The following MAGI2 variants were observed in gnomAD, a reference collection of about 807,000 sequenced individuals.
The protein encoded by MAGI2 is membrane-associated guanylate kinase, WW and PDZ domain-containing protein 2.
A neutral mutation model predicts 133.3 loss-of-function variants in MAGI2; 35 were observed. The observed-to-expected ratio is 0.26, with a 90% CI of 0.20 to 0.35. MAGI2 has a LOEUF of 0.35. Ranked by LOEUF, MAGI2 falls within the 10% of genes least tolerant of loss-of-function variation. The probability of loss-of-function intolerance (pLI) is 1.00; values close to 1 mark genes in which losing one functional copy is unlikely to be tolerated. For missense variants in MAGI2, 1,636 were observed against 1,863.4 expected (o/e 0.88, Z 2.25); for synonymous variants, 729 against 710.6 (o/e 1.03, Z -0.41).
intron 3 of MAGI2, among the ~76,000 whole-genome samples, chr7:78,582,285 C>T (rs1327915498): frequency 1.3e-5 from 2 of 152,078 alleles, no homozygotes; most frequent in African/African-American, 2.4e-5. Context: ...AGAGCAACCA[C>T]GTGGGAAGTG....
intron 1 of MAGI2, among the ~76,000 whole-genome samples, chr7:79,438,061 C>T (rs1848261894): frequency 6.6e-6 from 1 of 152,128 alleles, no homozygotes; most frequent in African/African-American, 2.4e-5. Flanking sequence ...ATTTTCAATG[C>T]TCTTCTAATG....
intron 10 of MAGI2, among the ~76,000 whole-genome samples, chr7:78,207,191 T>C (rs1312424537): frequency 6.6e-6 from 1 of 152,024 alleles, no homozygotes; most frequent in Non-Finnish European, 1.5e-5. Flanking sequence ...GACAGGAAAC[T>C]CACCTGAACA....
chr7:79,097,271 G>A (rs1415140139), intron 1 of MAGI2, among the ~76,000 whole-genome samples: 2 of 152,166 alleles, frequency 1.3e-5, no homozygotes, highest in Admixed American at 1.3e-4. Flanking sequence ...TCAGTACAAA[G>A]AGAAACTGGC....
chr7:79,242,264 T>C (rs1346616374), intron 1 of MAGI2, among the ~76,000 whole-genome samples: 1 of 152,178 alleles, frequency 6.6e-6, no homozygotes, highest in Non-Finnish European at 1.5e-5. Context: ...ATATATATCA[T>C]AACATCATGC....
intron 21 of MAGI2, among the ~76,000 whole-genome samples, chr7:78,066,190 G>C (rs11505873): frequency 6.6e-6 from 1 of 151,972 alleles, no homozygotes; most frequent in African/African-American, 2.4e-5. Context: ...GGTCAGGCAC[G>C]GTGGCTCATG....
chr7:78,765,293 G>A (rs1354697366), intron 2 of MAGI2, among the ~76,000 whole-genome samples: 2 of 139,926 alleles, frequency 1.4e-5, no homozygotes, highest in African/African-American at 5.2e-5. Flanking sequence ...TGCTGCCTTA[G>A]TATTCATTTA....
intron 2 of MAGI2, among the ~76,000 whole-genome samples, chr7:78,679,686 TAGA>T (rs1343150100): frequency 1.3e-5 from 2 of 152,112 alleles, no homozygotes; most frequent in Non-Finnish European, 2.9e-5. Context: ...AGTTTACACG[TAGA>T]AAAGACAGGT....
At position 78,072,934 on chromosome 7, in the gene MAGI2, A is replaced by G. The variant is rs1360751462; in HGVS notation, c.3706+6013T>C. On this transcript the variant is annotated intron_variant, in intron 21 of 21. Coordinates refer to ENST00000354212, the MANE Select transcript of MAGI2 (RefSeq NM_012301.4). ...TGGCCTCCCAAAGTGTTAGGATTAG[A>G]GGTGTGAGCCACCCCGCCTGGCTGG... 8 of 398,542 alleles carry G rather than the reference A, an allele frequency of 2.0e-5. No individual in the cohort carries two copies. In the Admixed American group the frequency reaches 3.5e-4, roughly 18 times the overall value. The allele number at this position is 398,542 out of a possible 1,614,324, so 24.7% of individuals were successfully genotyped here.
At chr7:78,201,084 C>A in intron 11 of MAGI2, 78 bp downstream of exon 11, 3 of 905,608 alleles carry the variant, frequency 3.3e-6, no homozygotes, top group South Asian at 3.3e-5. Context: ...ATTTTGAGGT[C>A]ACCCAATTCA....
rs547340516 is a variant in MAGI2, at chr7:78,863,133, G to C, written c.418+143957C>G. Among the ~76,000 whole-genome samples the C allele has an allele frequency of 3.9e-5, 6 of 152,302 alleles. No individual in the cohort carries two copies. In the South Asian group the frequency reaches 1.2e-3, roughly 32 times the overall value. On this transcript the variant is annotated intron_variant, in intron 2 of 21. Coordinates refer to ENST00000354212, the MANE Select transcript of MAGI2 (RefSeq NM_012301.4). ...AAATGACTTAAAACATGATAGCAAT[G>C]CTTCCTATTTAACTTTGGATAAAAA...
chr7:78,717,782 C>T (rs1294533702), intron 2 of MAGI2, among the ~76,000 whole-genome samples: 1 of 152,122 alleles, frequency 6.6e-6, no homozygotes, highest in Non-Finnish European at 1.5e-5. Context: ...AATAACTTTC[C>T]TAAGCACAGA....
At chr7:79,305,839 T>G (rs1837743651) in intron 1 of MAGI2, among the ~76,000 whole-genome samples, 1 of 152,116 alleles carries the variant, frequency 6.6e-6, no homozygotes, top group Non-Finnish European at 1.5e-5. Flanking sequence ...AAGGATCCCA[T>G]GAGCCCAGGA....
chr7:78,128,684 G>C (rs867724315), intron 18 of MAGI2, among the ~76,000 whole-genome samples: 1 of 152,038 alleles, frequency 6.6e-6, no homozygotes, highest in Non-Finnish European at 1.5e-5. Context: ...ATTTGGCAAG[G>C]TCACACTGAA....
intron 6 of MAGI2, among the ~76,000 whole-genome samples, chr7:78,423,634 A>G (rs1799001873): frequency 6.6e-6 from 1 of 152,194 alleles, no homozygotes; most frequent in Non-Finnish European, 1.5e-5. Context: ...GGCTTTGACC[A>G]AAAGCCTGAT....
chr7:78,077,871 AG>A (rs754076328), intron 21 of MAGI2, among the ~76,000 whole-genome samples: 21 of 151,578 alleles, frequency 1.4e-4, no homozygotes, highest in Non-Finnish European at 2.4e-4. Flanking sequence ...ATGGGATTAT[AG>A]GCATGTGCCA....
At chr7:79,122,520 T>C (rs773701878) in intron 1 of MAGI2, among the ~76,000 whole-genome samples, 35 of 152,114 alleles carry the variant, frequency 2.3e-4, no homozygotes, top group Non-Finnish European at 4.6e-4. Flanking sequence ...ATACATAGAG[T>C]TTATCACATT....
intron 7 of MAGI2, among the ~76,000 whole-genome samples, chr7:78,347,496 C>G (rs188199132): frequency 5.9e-5 from 9 of 152,300 alleles, no homozygotes; most frequent in Admixed American, 3.9e-4. Flanking sequence ...GTGTCTTAAT[C>G]TGTAATAGCA....
intron 2 of MAGI2, among the ~76,000 whole-genome samples, chr7:78,643,525 A>G (rs192720959): frequency 6.6e-6 from 1 of 152,314 alleles, no homozygotes; most frequent in African/African-American, 2.4e-5. Flanking sequence ...CTGACAGACA[A>G]AAGTGAAATA....
intron 14 of MAGI2, among the ~76,000 whole-genome samples, chr7:78,173,642 A>T (rs183214958): frequency 6.6e-6 from 1 of 152,320 alleles, no homozygotes; most frequent in African/African-American, 2.4e-5. Context: ...GGACCTGATA[A>T]TCTTTTCCGT....
Sources: gnomAD v4.1 joint callset for allele counts (sites outside exome capture counted in the v4.1 genomes callset) on GRCh38, gnomAD v4.1.1 for gene constraint, MANE v1.5 for transcripts, NCBI Gene and HGNC (gene_info 2026-07-23, HGNC 2026-07-21) for gene names.